Variants in DMD observed in about 807,000 individuals in gnomAD.
DMD encodes the protein mutant dystrophin.
Under a neutral mutation model 330.1 loss-of-function variants are expected in DMD, and 63 were observed. That is an observed-to-expected ratio of 0.19 (90% confidence interval 0.16 to 0.24). DMD has a LOEUF of 0.24. Among genes scored for constraint, DMD ranks in the 10% least tolerant of loss-of-function variants. The pLI is 1.00. For synonymous variants in DMD, 1,223 were observed against 959.8 expected (o/e 1.27, Z -5.07); for missense variants, 3,344 against 2,684.1 (o/e 1.25, Z -5.43).
At chrX:32,394,916 CAA>C (rs72234458) in intron 30 of DMD, among the ~76,000 whole-genome samples, 1 of 39,056 alleles carries the variant, frequency 2.6e-5, no homozygotes. Context: ...AACAAAAAAA[CAA>C]AAAAAAAAAA....
intron 44 of DMD, among the ~76,000 whole-genome samples, chrX:32,194,257 G>A (rs752156513): frequency 7.7e-4 from 86 of 111,454 alleles, no homozygotes; most frequent in Non-Finnish European, 1.4e-3. Flanking sequence ...TTGGATGGAT[G>A]TGTTTTGACA....
intron 44 of DMD, among the ~76,000 whole-genome samples, chrX:31,988,494 AAAAAAAGG>A (rs2095526984): frequency 9.4e-6 from 1 of 105,893 alleles, no homozygotes; most frequent in African/African-American, 3.4e-5. Flanking sequence ...AAAAAAAAAA[AAAAAAAGG>A]AAAAGAAAAA....
intron 61 of DMD, among the ~76,000 whole-genome samples, chrX:31,333,609 T>C (rs2057261996): frequency 9.1e-6 from 1 of 109,917 alleles, no homozygotes; most frequent in African/African-American, 3.3e-5. Context: ...TTCTATAACA[T>C]GAACTCCTTC....
intron 77 of DMD, among the ~76,000 whole-genome samples, chrX:31,128,252 C>T (rs984476148): frequency 2.7e-5 from 3 of 111,757 alleles, no homozygotes; most frequent in Non-Finnish European, 3.8e-5. Context: ...CTCTTGAGGA[C>T]GGGGTCCACA....
In DMD at chrX:32,615,953, G is replaced by C. The variant is rs779586280; in HGVS notation, c.1332-1500C>G. ...CAAGGATTCCATATTACACTCAATTGTCCTGTTTCCTTAATCTGCTTTTGG... is the reference window on the plus strand; with the variant it reads ...CAAGGATTCCATATTACACTCAATTCTCCTGTTTCCTTAATCTGCTTTTGG... On this transcript the variant is annotated intron_variant, in intron 11 of 78. Coordinates refer to ENST00000357033, the MANE Select transcript of DMD (RefSeq NM_004006.3). Among the ~76,000 whole-genome samples the C allele has an allele frequency of 2.7e-3, 303 of 110,828 alleles. 1 individual carries two copies. Among genetic ancestry groups the C allele is most frequent in the Non-Finnish European group, 4.6e-3 (242 of 52,735 alleles).
intron 44 of DMD, among the ~76,000 whole-genome samples, chrX:32,059,653 C>G (rs1569538231): frequency 1.8e-5 from 2 of 110,754 alleles, no homozygotes; most frequent in Non-Finnish European, 3.8e-5. Flanking sequence ...ATAGAGAGAC[C>G]ATTCAGACAA....
chrX:32,783,407 CT>C (rs937249118), intron 7 of DMD, among the ~76,000 whole-genome samples: 37 of 103,317 alleles, frequency 3.6e-4, no homozygotes, highest in South Asian at 4.4e-4. Context: ...ACACACACCC[CT>C]AGTATGTACC....
In DMD at chrX:32,338,891, T is replaced by A. The variant is rs2097727933; in HGVS notation, c.5922+3209A>T. On this transcript the variant is annotated intron_variant, in intron 41 of 78. Coordinates refer to ENST00000357033, the MANE Select transcript of DMD (RefSeq NM_004006.3). ...TTTATTCTGTGAATCTAGAGAAAAG[T>A]ATCTGCTTATATATTATAGAATTAA... Among the ~76,000 whole-genome samples, 3 of 112,020 alleles carry A rather than the reference T, an allele frequency of 2.7e-5. No homozygotes were observed. In the South Asian group the frequency reaches 1.1e-3, roughly 41 times the overall value.
chrX:32,130,472 T>C (rs770894111), intron 44 of DMD, among the ~76,000 whole-genome samples: 3 of 111,727 alleles, frequency 2.7e-5, no homozygotes, highest in South Asian at 7.5e-4. Flanking sequence ...AATTTAACTA[T>C]AGATCATATC....
intron 49 of DMD, among the ~76,000 whole-genome samples, chrX:31,827,118 T>A (rs1415815573): frequency 8.9e-6 from 1 of 112,121 alleles, no homozygotes; most frequent in East Asian, 2.8e-4. Flanking sequence ...TTTTAAAATT[T>A]AAAATGGATA....
chrX:31,514,130 A>C (rs778723984), intron 55 of DMD, among the ~76,000 whole-genome samples: 6 of 112,135 alleles, frequency 5.4e-5, no homozygotes, highest in Non-Finnish European at 9.4e-5. Context: ...GGTCTTATTA[A>C]TATAAAGACT....
At chrX:32,156,978 G>T (rs758250528) in intron 44 of DMD, among the ~76,000 whole-genome samples, 132 of 112,048 alleles carry the variant, frequency 1.2e-3, no homozygotes, top group Non-Finnish European at 2.2e-3. Flanking sequence ...GCACAGGTGT[G>T]TGCCTATCGG....
chrX:32,501,975 T>C (rs2044104023), intron 18 of DMD, 133 bp from the exon 19 acceptor site: 5 of 500,088 alleles, frequency 1.0e-5, no homozygotes, highest in Non-Finnish European at 1.7e-5. Flanking sequence ...TCTAAAGACT[T>C]TTTCTCAACA....
chrX:31,922,085 T>C (rs2094697523), intron 47 of DMD, among the ~76,000 whole-genome samples: 1 of 111,533 alleles, frequency 9.0e-6, no homozygotes, highest in African/African-American at 3.3e-5. Flanking sequence ...ACTTTAATGT[T>C]CCCTCGCCTT....
chrX:31,353,052 T>C (rs1261420582), intron 60 of DMD, among the ~76,000 whole-genome samples: 1 of 111,207 alleles, frequency 9.0e-6, no homozygotes, highest in African/African-American at 3.3e-5. Flanking sequence ...CTTGGTGGTT[T>C]ATTCATTTTA....
At chrX:31,199,206 G>A (rs1484451562) in intron 67 of DMD, among the ~76,000 whole-genome samples, 2 of 111,651 alleles carry the variant, frequency 1.8e-5, no homozygotes, top group African/African-American at 6.5e-5. Context: ...TCTCTCAACA[G>A]GGCTGTTTCC....
rs140674533 is a variant in DMD, at chrX:31,590,879, T to C, written c.8217+36794A>G. The stretch of plus-strand genomic sequence containing the variant: ...ACTATTTAAACTCTGTAGACTACAT[T>C]TGGGAATGCTTCCAAGGTTAGCAGT... On this transcript the variant is annotated intron_variant, in intron 55 of 78. Coordinates refer to ENST00000357033, the MANE Select transcript of DMD (RefSeq NM_004006.3). Among the ~76,000 whole-genome samples the C allele has an allele frequency of 1.7e-3, 191 of 111,586 alleles. No homozygotes were observed. The East Asian group carries it at 0.051, about 30-fold the overall frequency.
chrX:31,695,587 A>T (rs868212800), intron 52 of DMD, among the ~76,000 whole-genome samples: 29 of 45,689 alleles, frequency 6.3e-4, no homozygotes, highest in Non-Finnish European at 9.8e-4. Flanking sequence ...TAAAAAAAAA[A>T]TTTTAAAAAC....
At chrX:32,930,296 T>A (rs2146682034) in intron 2 of DMD, among the ~76,000 whole-genome samples, 1 of 110,851 alleles carries the variant, frequency 9.0e-6, no homozygotes, top group Admixed American at 9.7e-5. Flanking sequence ...AGTCGAAAAA[T>A]TGTTAAGTTG....
Sources: allele counts gnomAD v4.1 joint callset (sites outside exome capture counted in the v4.1 genomes callset), GRCh38; gene constraint gnomAD v4.1.1; transcripts MANE v1.5; gene names NCBI Gene and HGNC (gene_info 2026-07-23, HGNC 2026-07-21).